The following DLG5 variants were observed in gnomAD, a reference collection of about 807,000 sequenced individuals.
DLG5 encodes the protein disks large homolog 5.
In DLG5, 48 loss-of-function variants were observed where a neutral mutation model predicts 189.8. The observed-to-expected ratio is 0.25, with a 90% confidence interval of 0.20 to 0.32. DLG5 has a LOEUF of 0.32. Ranked by LOEUF, DLG5 falls within the 10% of genes least tolerant of loss-of-function variation. The probability of loss-of-function intolerance (pLI) is 1.00; values close to 1 mark genes in which losing one functional copy is unlikely to be tolerated. For missense variants in DLG5, 2,160 were observed against 2,544.7 expected (o/e 0.85, Z 3.25); for synonymous variants, 1,016 against 1,054.1 (o/e 0.96, Z 0.70).
rs1214562065 is a variant in DLG5 at position 77,811,985 on chromosome 10, T to C, written c.4261A>G (p.Ile1421Val). The C allele has an allele frequency of 6.2e-7, 1 of 1,610,868 alleles. No homozygotes were observed. The part of the protein sequence containing the change: ...RLIIGQQCDT[I>V]TILAQYNPHV... ...GGGTTGTACTGGGCCAGGATGGTGA[T>C]GGTATCACACTGCTGCCCGATGATG... The change falls in exon 22 of 32, where the codon ATC becomes GTC. Residue 1421 changes from isoleucine to valine, a missense_variant. Ile to Val is a conservative substitution (Grantham distance 29). This residue lies in a region of DLG5 where 61 missense variants were observed against 101.0 expected (regional missense o/e 0.60). Coordinates refer to ENST00000372391, the MANE Select transcript of DLG5 (RefSeq NM_004747.4).
chr10:77,912,834 T>C (rs1846262130), intron 1 of DLG5, among the ~76,000 whole-genome samples: 1 of 152,294 alleles, frequency 6.6e-6, no homozygotes, highest in African/African-American at 2.4e-5. Flanking sequence ...AGGTGAGGCT[T>C]TCAGGTGGTG....
chr10:77,885,939 C>T (rs1845424163), intron 1 of DLG5, among the ~76,000 whole-genome samples: 1 of 152,070 alleles, frequency 6.6e-6, no homozygotes, highest in Non-Finnish European at 1.5e-5. Flanking sequence ...TGCCCTCCAG[C>T]GAAGGCAAGA....
At chr10:77,881,409 A>G in intron 1 of DLG5, among the ~76,000 whole-genome samples, 1 of 152,154 alleles carries the variant, frequency 6.6e-6, no homozygotes, top group Non-Finnish European at 1.5e-5. Flanking sequence ...CACTGTGGCC[A>G]AGGCCATCTT....
chr10:77,939,805 C>T, the DLG5 span, among the ~76,000 whole-genome samples: 1 of 152,186 alleles, frequency 6.6e-6, no homozygotes, highest in Non-Finnish European at 1.5e-5. Context: ...TGGGAGGCCT[C>T]GTTTAAGCAA....
At chr10:77,867,578 G>T (rs77900653) in intron 2 of DLG5, among the ~76,000 whole-genome samples, 1 of 152,152 alleles carries the variant, frequency 6.6e-6, no homozygotes, top group South Asian at 2.1e-4. Context: ...ATAGGATACC[G>T]TTGGGAGCTT....
chr10:77,804,672 C>G (rs1253204881), intron 27 of DLG5, among the ~76,000 whole-genome samples: 6 of 152,216 alleles, frequency 3.9e-5, no homozygotes, highest in African/African-American at 1.4e-4. Context: ...GGGCTGTCTA[C>G]CAGGGGATGT....
At chr10:77,873,031 G>GTGCGCA (rs201196944) in intron 1 of DLG5, among the ~76,000 whole-genome samples, 5,075 of 45,404 alleles carry the variant, frequency 0.11, 335 homozygotes, top group African/African-American at 0.25. Flanking sequence ...GTGTGTGTGT[G>GTGCGCA]CACACACACA....
At chr10:77,798,361 G>A (rs1380673712) in intron 27 of DLG5, among the ~76,000 whole-genome samples, 2 of 152,218 alleles carry the variant, frequency 1.3e-5, no homozygotes, top group East Asian at 1.9e-4. Flanking sequence ...AAGGCTCTGA[G>A]GAGGAGTCAC....
intron 15 of DLG5, 72 bp from the exon 16 acceptor site, chr10:77,820,090 A>G (rs1210959859): frequency 9.4e-6 from 15 of 1,593,442 alleles, no homozygotes; most frequent in Non-Finnish European, 1.3e-5. Context: ...TCACACCTAT[A>G]ATCCCAGCAC....
chr10:77,829,440 C>G lies in DLG5; in HGVS notation c.2100G>C (p.Gly700=). 2 of 1,614,200 alleles carry G rather than the reference C, an allele frequency of 1.2e-6. No homozygotes were observed. The highest frequency in any genetic ancestry group is 1.7e-6 in the Non-Finnish European group (2 of 1,180,032). The stretch of plus-strand genomic sequence containing the variant: ...TCCGCCGCACGACCATGTTGATGGC[C>G]CCCTCCCCATTGAGGAGCGCCTTGA... ...QAIKALLNGE[G]AINMVVRRRK... is the part of the protein sequence containing the mutation. The change falls in exon 12 of 32, where the codon GGG becomes GGC. Residue 700 remains glycine, a synonymous_variant. Coordinates refer to ENST00000372391, the MANE Select transcript of DLG5 (RefSeq NM_004747.4).
At chr10:77,904,402 TG>T (rs1032114789) in intron 1 of DLG5, among the ~76,000 whole-genome samples, 11 of 152,084 alleles carry the variant, frequency 7.2e-5, no homozygotes, top group Non-Finnish European at 1.3e-4. Context: ...GGGGGACTGT[TG>T]GGAGGGCATG....
Position 77,821,285 on chromosome 10 carries a change from G to C in DLG5, c.3199C>G (p.Arg1067Gly). 6.2e-7 allele frequency: 1 copy of C among 1,613,700 alleles called. No homozygotes were observed. The highest frequency in any genetic ancestry group is 8.5e-7 in the Non-Finnish European group (1 of 1,180,028). ...PGEPMHASPPRKARVRIASSY... is the reference protein window; with the variant it reads ...PGEPMHASPPGKARVRIASSY... ...GAAGCAATGCGGACCCTGGCCTTGC[G>C]AGGGGGTGATGCGTGCATGGGCTCC... is the stretch of plus-strand genomic sequence containing the variant. Residue 1067 changes from arginine to glycine, a missense_variant, in exon 15 of 32, where the codon CGC (arginine) becomes GGC (glycine). This residue lies in a region of DLG5 where 754 missense variants were observed against 746.5 expected (regional missense o/e 1.01). Coordinates refer to ENST00000372391, the MANE Select transcript of DLG5 (RefSeq NM_004747.4).
chr10:77,862,230 C>G (rs1844499999), intron 2 of DLG5, among the ~76,000 whole-genome samples: 2 of 152,162 alleles, frequency 1.3e-5, no homozygotes, highest in South Asian at 2.1e-4. Context: ...TACTTCCCAG[C>G]AGAGCCCATC....
In DLG5 at chr10:77,806,869, A is replaced by T. The variant is rs1325061401; in HGVS notation, c.4856T>A (p.Ile1619Asn). ...GGGTAAGGTGTCATCCACGTAGAGGATGTCGTCCTTCTTAAAGCTCAACTC... is the reference window on the plus strand; with the variant it reads ...GGGTAAGGTGTCATCCACGTAGAGGTTGTCGTCCTTCTTAAAGCTCAACTC... ...EQELSFKKDD[I>N]LYVDDTLPQG... Residue 1619 changes from isoleucine (I) to asparagine (N), a missense_variant, in exon 26 of 32, where the codon ATC (isoleucine) becomes AAC (asparagine). Around this residue, in one of 5 missense-constraint regions of DLG5, gnomAD observed 574 missense variants for 644.2 expected, o/e 0.89. Transcript: ENST00000372391. 1 of 1,614,038 alleles carries T rather than the reference A, an allele frequency of 6.2e-7. No individual in the cohort carries two copies. Among genetic ancestry groups the T allele is most frequent in the Admixed American group, 1.7e-5 (1 of 60,014 alleles).
intron 1 of DLG5, among the ~76,000 whole-genome samples, chr10:77,885,490 G>T (rs1015494215): frequency 3.3e-5 from 5 of 152,150 alleles, no homozygotes; most frequent in African/African-American, 1.2e-4. Context: ...TGTGCAAAGA[G>T]AAAAAAACCA....
intron 17 of DLG5, among the ~76,000 whole-genome samples, chr10:77,818,216 C>T (rs117668272): frequency 0.011 from 1,633 of 152,176 alleles, 11 homozygotes; most frequent in Non-Finnish European, 0.017. Context: ...GGAGGGGGAA[C>T]CTGTCCTCCC....
chr10:77,859,589 T>G (rs749503132), intron 2 of DLG5, among the ~76,000 whole-genome samples: 9 of 152,254 alleles, frequency 5.9e-5, no homozygotes, highest in Non-Finnish European at 1.3e-4. Context: ...CTGTACAGGT[T>G]TGCAGCTCAG....
chr10:77,933,678 C>A, the DLG5 span, among the ~76,000 whole-genome samples: 1 of 151,042 alleles, frequency 6.6e-6, no homozygotes, highest in Non-Finnish European at 1.5e-5. Context: ...GAGGAGAGAT[C>A]GTGCCACTGC....
chr10:77,864,838 G>A (rs138781256), intron 2 of DLG5, among the ~76,000 whole-genome samples: 3 of 152,338 alleles, frequency 2.0e-5, no homozygotes, highest in Admixed American at 6.5e-5. Flanking sequence ...CCAGTTCAGC[G>A]TTTCCCCAGC....
Sources: allele counts gnomAD v4.1 joint callset (sites outside exome capture counted in the v4.1 genomes callset), GRCh38; gene constraint gnomAD v4.1.1; regional missense constraint gnomAD v4.1.1; transcripts MANE v1.5; gene names NCBI Gene and HGNC (gene_info 2026-07-23, HGNC 2026-07-21).